The following DGKH variants were observed in gnomAD, a reference collection of about 807,000 sequenced individuals.
DGKH encodes diacylglycerol kinase eta, also known as DAG kinase eta.
A neutral mutation model predicts 159.3 loss-of-function variants in DGKH; 90 were observed. The ratio of observed to expected loss-of-function variants is 0.57; its 90% confidence interval spans 0.48 to 0.67. The LOEUF (loss-of-function observed/expected upper bound fraction) is 0.67. Ranked by LOEUF, DGKH falls within the 30% of genes least tolerant of loss-of-function variation. DGKH has a pLI of 0.00. For synonymous variants in DGKH, 536 were observed against 553.8 expected (o/e 0.97, Z 0.45); for missense variants, 1,181 against 1,506.1 (o/e 0.78, Z 3.57).
chr13:42,087,088 AGAACAGAGTAGGCACAACAATCCTT>A (rs113582812), intron 1 of DGKH, among the ~76,000 whole-genome samples: 4,254 of 115,762 alleles, frequency 0.037, 62 homozygotes, highest in Admixed American at 0.042. Flanking sequence ...CACACACCTC[AGAACAGAGTAGGCACAACAATCCTT>A]GAAGCTCATA....
rs187378381 is a variant in DGKH, at chr13:42,084,435, G to A, written c.192+35470G>A. On this transcript the variant is annotated intron_variant, in intron 1 of 29. Coordinates refer to ENST00000337343, the MANE Select transcript of DGKH (RefSeq NM_178009.5). ...GAGTGCTTGTGTGTTTTTAGTTTAG[G>A]TGTAAATATTTAAAACTACCAGATT... Among the ~76,000 whole-genome samples, 59 of 151,998 alleles carry A rather than the reference G, an allele frequency of 3.9e-4. No homozygotes were observed. The East Asian group carries it at 0.011, about 28-fold the overall frequency.
chr13:42,083,787 A>G (rs961048005), intron 1 of DGKH, among the ~76,000 whole-genome samples: 1 of 152,242 alleles, frequency 6.6e-6, no homozygotes, highest in Admixed American at 6.5e-5. Flanking sequence ...GAAATATTGA[A>G]AAAATGAAAC....
intron 1 of DGKH, among the ~76,000 whole-genome samples, chr13:42,053,810 A>T (rs1271932262): frequency 6.6e-6 from 1 of 151,840 alleles, no homozygotes; most frequent in Non-Finnish European, 1.5e-5. Flanking sequence ...TGGTAGAGAC[A>T]GGGGTTTCAC....
chr13:42,059,739 A>G (rs1254719900), intron 1 of DGKH, among the ~76,000 whole-genome samples: 3 of 151,792 alleles, frequency 2.0e-5, no homozygotes, highest in Admixed American at 1.3e-4. Context: ...TACTGCAGCT[A>G]TTTCATGAAA....
At chr13:42,110,199 TTGTC>T in intron 1 of DGKH, among the ~76,000 whole-genome samples, 1 of 152,154 alleles carries the variant, frequency 6.6e-6, no homozygotes, top group Non-Finnish European at 1.5e-5. Context: ...AGATTCCTGA[TTGTC>T]TGTGGCTCAG....
chr13:42,104,254 T>A (rs1292294211), intron 1 of DGKH, among the ~76,000 whole-genome samples: 2 of 152,206 alleles, frequency 1.3e-5, no homozygotes. Context: ...TCCTCCCATG[T>A]TGTTGCTCTG....
chr13:42,133,087 C>T (rs1256534090), intron 3 of DGKH, among the ~76,000 whole-genome samples: 1 of 151,442 alleles, frequency 6.6e-6, no homozygotes, highest in Non-Finnish European at 1.5e-5. Context: ...AGGAGAATCG[C>T]TTGAACCCAG....
chr13:42,102,124 C>A (rs1015205815), intron 1 of DGKH, among the ~76,000 whole-genome samples: 1 of 152,314 alleles, frequency 6.6e-6, no homozygotes, highest in East Asian at 1.9e-4. Context: ...GGGATGATTC[C>A]GTCTCACCTC....
At chr13:42,139,925 CG>C (rs1410533637) in intron 3 of DGKH, among the ~76,000 whole-genome samples, 1 of 152,076 alleles carries the variant, frequency 6.6e-6, no homozygotes, top group Non-Finnish European at 1.5e-5. Context: ...ACGAGGAACT[CG>C]CCTCCCAACT....
At chr13:42,076,636 T>C (rs1478196237) in intron 1 of DGKH, among the ~76,000 whole-genome samples, 1 of 152,222 alleles carries the variant, frequency 6.6e-6, no homozygotes, top group Admixed American at 6.5e-5. Flanking sequence ...ACTTTGTTTC[T>C]ATGTCTTGTG....
chr13:42,159,663 C>T (rs1956129866), intron 6 of DGKH, among the ~76,000 whole-genome samples: 1 of 152,144 alleles, frequency 6.6e-6, no homozygotes, highest in African/African-American at 2.4e-5. Flanking sequence ...GAGGTTCACT[C>T]TTCAGACATT....
At chr13:42,072,216 T>A (rs934587283) in intron 1 of DGKH, among the ~76,000 whole-genome samples, 4 of 152,206 alleles carry the variant, frequency 2.6e-5, no homozygotes, top group African/African-American at 9.6e-5. Context: ...CAATGCAGTG[T>A]TGTGGTTAAG....
chr13:42,143,313 G>C (rs1380303003), intron 3 of DGKH, among the ~76,000 whole-genome samples: 7 of 152,026 alleles, frequency 4.6e-5, no homozygotes, highest in Admixed American at 4.6e-4. Context: ...TATTTTATTG[G>C]GGATTTTTGC....
intron 1 of DGKH, among the ~76,000 whole-genome samples, chr13:42,121,254 C>T (rs1333715587): frequency 6.6e-6 from 1 of 152,102 alleles, no homozygotes; most frequent in Non-Finnish European, 1.5e-5. Context: ...GTGTGATATT[C>T]AATTACATGA....
At position 42,159,263 on chromosome 13, in the gene DGKH, T is replaced by TTTTTTTTTTTTTTTGTTTTA; in HGVS notation, c.623-3_623-2insTTTTTTTTTTTTTTGTTTTA. Reference sequence around the variant, plus strand: ...GTTGCTCTTTTTTTTTTTTTTTTTTTAGTGTGTAAATTCAAGGCTCACAAA... The same window carrying TTTTTTTTTTTTTTTGTTTTA: ...GTTGCTCTTTTTTTTTTTTTTTTTTTTTTTTTTTTTTTTTGTTTTAAGTGTGTAAATTCAAGGCTCACAAA... On this transcript the variant is annotated splice_polypyrimidine_tract_variant and splice_region_variant and intron_variant, in intron 5 of 29. Transcript: ENST00000337343. 8.0e-7 allele frequency: 1 copy of TTTTTTTTTTTTTTTGTTTTA among 1,249,720 alleles called. No individual in the cohort carries two copies. Among genetic ancestry groups the TTTTTTTTTTTTTTTGTTTTA allele is most frequent in the Non-Finnish European group, 1.1e-6 (1 of 894,574 alleles). 77.4% of individuals were successfully genotyped at this position (1,249,720 alleles called of 1,614,324 possible).
At chr13:42,077,572 G>A (rs1011967952) in intron 1 of DGKH, among the ~76,000 whole-genome samples, 1 of 152,214 alleles carries the variant, frequency 6.6e-6, no homozygotes, top group Non-Finnish European at 1.5e-5. Context: ...TCCATCTGAA[G>A]CAGAATAGAA....
rs573240315 is a variant in DGKH, at chr13:42,256,572, A to T, written n.4416A>T. 1.6e-5 allele frequency: 11 copies of T among 666,970 alleles called. No individual in the cohort carries two copies. In the African/African-American group the frequency reaches 1.8e-4, roughly 11 times the overall value. The allele number at this position is 666,970 out of a possible 1,614,324, so 41.3% of individuals were successfully genotyped here. A position where few individuals can be genotyped will look rare whatever the true frequency, so the allele number is the denominator to read the frequency against. On this transcript the variant is annotated non_coding_transcript_exon_variant, in exon 31 of 31. Coordinates refer to the DGKH transcript ENST00000498255. ...TATAATGAAAATAAACGTGTATATA[A>T]TTTTTTAAAAAACTGATAAATCTGA...
intron 1 of DGKH, among the ~76,000 whole-genome samples, chr13:42,051,355 A>G (rs1364762331): frequency 6.6e-6 from 1 of 152,140 alleles, no homozygotes; most frequent in Non-Finnish European, 1.5e-5. Flanking sequence ...GTGAGCTTCA[A>G]CCTCATACCC....
chr13:42,048,736 CG>C lies in DGKH; in HGVS notation c.-37del. Reference sequence around the variant, plus strand: ...ACCCGCTGACCAACGCCGCCGCCCCCGCCGGGCGGTGCTGTGTCCCCGCAGG... The same window carrying C: ...ACCCGCTGACCAACGCCGCCGCCCCCCCGGGCGGTGCTGTGTCCCCGCAGG... On this transcript the variant is annotated 5_prime_UTR_variant, in exon 1 of 30. Coordinates refer to ENST00000337343, the MANE Select transcript of DGKH (RefSeq NM_178009.5). This position sits in a 1 kb window ranked among gnomAD's most constrained non-coding sequence, Gnocchi z 6.7. The C allele has an allele frequency of 3.2e-6, 4 of 1,245,852 alleles. No homozygotes were observed. Among genetic ancestry groups the C allele is most frequent in the Non-Finnish European group, 4.0e-6 (4 of 988,554 alleles). The allele number at this position is 1,245,852 out of a possible 1,614,324, so 77.2% of individuals were successfully genotyped here.
Sources: allele counts gnomAD v4.1 joint callset (sites outside exome capture counted in the v4.1 genomes callset), GRCh38; gene constraint gnomAD v4.1.1; non-coding constraint Gnocchi (gnomAD v3.1); transcripts MANE v1.5; gene names NCBI Gene and HGNC (gene_info 2026-07-23, HGNC 2026-07-21).